Variants in DLG2 observed in about 807,000 individuals in gnomAD.
DLG2 encodes the protein disks large homolog 2.
Under a neutral mutation model 132.5 loss-of-function variants are expected in DLG2, and 45 were observed. The ratio of observed to expected loss-of-function variants is 0.34; its 90% CI spans 0.27 to 0.44. The LOEUF (loss-of-function observed/expected upper bound fraction) is 0.44. Ranked by LOEUF, DLG2 falls within the 20% of genes least tolerant of loss-of-function variation. The pLI is 1.00. For missense variants in DLG2, 1,045 were observed against 1,196.9 expected (o/e 0.87, Z 1.87); for synonymous variants, 424 against 419.6 (o/e 1.01, Z -0.13).
intron 5 of DLG2, among the ~76,000 whole-genome samples, chr11:85,115,759 G>A (rs1218726927): frequency 6.6e-6 from 1 of 151,942 alleles, no homozygotes; most frequent in African/African-American, 2.4e-5. Context: ...CCATCTGATA[G>A]TGCAAAGTAA....
intron 6 of DLG2, among the ~76,000 whole-genome samples, chr11:84,667,500 T>TG (rs1437656995): frequency 1.8e-5 from 2 of 114,078 alleles, no homozygotes; most frequent in South Asian, 2.9e-4. Context: ...TGTTTTTTGT[T>TG]TTTTTTTTTT....
chr11:84,520,992 G>A (rs1489427154), intron 7 of DLG2, among the ~76,000 whole-genome samples: 4 of 152,102 alleles, frequency 2.6e-5, no homozygotes, highest in Non-Finnish European at 5.9e-5. Context: ...AGAAATAATA[G>A]CATTGCTACG....
At chr11:83,617,002 T>C (rs567679059) in intron 19 of DLG2, among the ~76,000 whole-genome samples, 4 of 152,194 alleles carry the variant, frequency 2.6e-5, no homozygotes, top group Non-Finnish European at 4.4e-5. Context: ...ATTGGTCTAC[T>C]TGTCTACACT....
intron 6 of DLG2, among the ~76,000 whole-genome samples, chr11:84,854,744 T>C (rs1204946700): frequency 6.6e-6 from 1 of 151,984 alleles, no homozygotes; most frequent in Non-Finnish European, 1.5e-5. Context: ...TCGAGGCAAG[T>C]TCAAACCGTG....
chr11:85,210,331 T>A (rs1289660354), intron 4 of DLG2, among the ~76,000 whole-genome samples: 1 of 152,130 alleles, frequency 6.6e-6, no homozygotes. Flanking sequence ...TGTCTTCTCC[T>A]TCCCTTATCA....
At chr11:85,179,394 A>G (rs546047668) in intron 4 of DLG2, among the ~76,000 whole-genome samples, 2 of 151,946 alleles carry the variant, frequency 1.3e-5, no homozygotes, top group South Asian at 4.1e-4. Context: ...ATAAATAAAT[A>G]AAATATATCA....
At chr11:84,354,616 G>A (rs549763401) in intron 7 of DLG2, among the ~76,000 whole-genome samples, 1 of 152,168 alleles carries the variant, frequency 6.6e-6, no homozygotes, top group South Asian at 2.1e-4. Flanking sequence ...GCCTTTAGAA[G>A]TACAGAATCA....
intron 6 of DLG2, among the ~76,000 whole-genome samples, chr11:84,797,678 T>C (rs1025836105): frequency 1.3e-5 from 2 of 152,206 alleles, no homozygotes; most frequent in African/African-American, 2.4e-5. Flanking sequence ...TATTTTGGAT[T>C]GTCTGAAAGG....
chr11:84,369,986 T>A (rs1034507771), intron 7 of DLG2, among the ~76,000 whole-genome samples: 1 of 152,164 alleles, frequency 6.6e-6, no homozygotes. Flanking sequence ...TAAAACCAGC[T>A]TTTGAATCTG....
intron 6 of DLG2, among the ~76,000 whole-genome samples, chr11:84,700,631 A>T (rs2059122955): frequency 6.6e-6 from 1 of 151,680 alleles, no homozygotes; most frequent in African/African-American, 2.4e-5. Context: ...ATATTGGCCT[A>T]AATAGCCCTA....
intron 6 of DLG2, among the ~76,000 whole-genome samples, chr11:84,755,002 G>T (rs1483151286): frequency 6.6e-6 from 1 of 152,148 alleles, no homozygotes; most frequent in African/African-American, 2.4e-5. Context: ...TAATTCATAG[G>T]ATGTTATGAG....
At chr11:84,602,414 A>C (rs2099578235) in intron 6 of DLG2, among the ~76,000 whole-genome samples, 1 of 152,042 alleles carries the variant, frequency 6.6e-6, no homozygotes, top group African/African-American at 2.4e-5. Flanking sequence ...ATATTAAATA[A>C]TGAAAACTTT....
intron 7 of DLG2, among the ~76,000 whole-genome samples, chr11:84,523,784 C>T (rs1335426518): frequency 6.6e-6 from 1 of 152,194 alleles, no homozygotes; most frequent in Non-Finnish European, 1.5e-5. Context: ...ACTGGGTTAA[C>T]TCTAGAAATA....
At chr11:83,741,198 T>C (rs774711217) in intron 18 of DLG2, among the ~76,000 whole-genome samples, 2 of 152,168 alleles carry the variant, frequency 1.3e-5, no homozygotes, top group Non-Finnish European at 2.9e-5. Context: ...GCCATTATCA[T>C]ATTGAATGAC....
intron 18 of DLG2, among the ~76,000 whole-genome samples, chr11:83,722,184 A>C (rs544383810): frequency 1.3e-5 from 2 of 152,268 alleles, no homozygotes; most frequent in South Asian, 2.1e-4. Flanking sequence ...TAACGTTTTG[A>C]CAAAAAACTG....
At chr11:84,766,430 A>G (rs1169077995) in intron 6 of DLG2, among the ~76,000 whole-genome samples, 1 of 152,054 alleles carries the variant, frequency 6.6e-6, no homozygotes. Flanking sequence ...GATAATATTC[A>G]AAATTGTTAG....
At chr11:85,070,302 T>TAAAA (rs1205668307) in intron 6 of DLG2, among the ~76,000 whole-genome samples, 4 of 108,174 alleles carry the variant, frequency 3.7e-5, no homozygotes, top group African/African-American at 1.8e-4. Flanking sequence ...TAAAGTATAA[T>TAAAA]AAAAAATAAA....
rs575592967 is a variant in DLG2 at position 84,558,476 on chromosome 11, CT to C, written c.358-23746del. Among the ~76,000 whole-genome samples, 3 of 152,172 alleles carry C rather than the reference CT, an allele frequency of 2.0e-5. No homozygotes were observed. The South Asian group carries it at 6.2e-4, about 32-fold the overall frequency. The stretch of plus-strand genomic sequence containing the variant: ...CTTGTATAAGGAAACAAGCAGAAAC[CT>C]TTTTTTCTTAAATAAAACTCTAAAC... On this transcript the variant is annotated intron_variant, in intron 6 of 27. Transcript: ENST00000376104.
At chr11:85,352,451 C>T (rs1010953351) in intron 3 of DLG2, among the ~76,000 whole-genome samples, 1 of 152,018 alleles carries the variant, frequency 6.6e-6, no homozygotes, top group East Asian at 1.9e-4. Flanking sequence ...CTTCTGCTAG[C>T]TTTTGAATGT....
Sources: allele counts gnomAD v4.1 joint callset (sites outside exome capture counted in the v4.1 genomes callset), GRCh38; gene constraint gnomAD v4.1.1; transcripts MANE v1.5; gene names NCBI Gene and HGNC (gene_info 2026-07-23, HGNC 2026-07-21).